Variants in NLRP13 observed in about 807,000 individuals in gnomAD.
NLRP13 encodes NACHT, LRR and PYD domains-containing protein 13.
A neutral mutation model predicts 94.4 loss-of-function variants in NLRP13; 82 were observed. The ratio of observed to expected loss-of-function variants is 0.87; its 90% CI spans 0.73 to 1.04. NLRP13 has a LOEUF of 1.04. Among genes scored for constraint, NLRP13 ranks in the 50% least tolerant of loss-of-function variants. The pLI, the probability that NLRP13 is intolerant of heterozygous loss-of-function variation, is 0.00. For synonymous variants in NLRP13, 553 were observed against 464.7 expected (o/e 1.19, Z -2.45); for missense variants, 1,426 against 1,230.8 (o/e 1.16, Z -2.37).
In NLRP13 at chr19:55,896,000, T is replaced by C. The variant is rs1181952322; in HGVS notation, c.3077A>G (p.Lys1026Arg). 6.2e-7 allele frequency: 1 copy of C among 1,614,218 alleles called. No homozygotes were observed. The change falls in exon 11 of 11, where the codon AAG becomes AGG. Residue 1026 changes from lysine (K) to arginine (R), a missense_variant. Physicochemically the swap from Lys to Arg is conservative, Grantham distance 26. Coordinates refer to ENST00000342929, the MANE Select transcript of NLRP13 (RefSeq NM_176810.2). The stretch of plus-strand genomic sequence containing the variant: ...CTTTTTCAAAGCCTTACATAGCATC[T>C]TGACACCATCAGTATCCAATTCATT... ...LGNELDTDGV[K>R]MLCKALKKST...
chr19:55,896,255 T>A, intron 10 of NLRP13, 136 bp from the exon 11 acceptor site: 1 of 930,136 alleles, frequency 1.1e-6, no homozygotes, highest in Non-Finnish European at 1.6e-6. Context: ...CCAGGCACAG[T>A]GGCTCACGCC....
At chr19:55,927,459 A>C (rs866779880) in intron 1 of NLRP13, among the ~76,000 whole-genome samples, 1,658 of 138,084 alleles carry the variant, frequency 0.012, 29 homozygotes, top group African/African-American at 0.048. Context: ...AATTCCTTAA[A>C]AAAAAAAAAA....
intron 1 of NLRP13, among the ~76,000 whole-genome samples, chr19:55,930,109 C>G (rs754033605): frequency 4.5e-4 from 69 of 152,100 alleles, no homozygotes; most frequent in Non-Finnish European, 9.4e-4. Context: ...TGCCCCGTGT[C>G]CAGGGTTCTG....
chr19:55,924,628 G>A lies in NLRP13; in HGVS notation c.419C>T (p.Pro140Leu). 6.2e-7 allele frequency: 1 copy of A among 1,613,398 alleles called. No homozygotes were observed. The highest frequency in any genetic ancestry group is 8.5e-7 in the Non-Finnish European group (1 of 1,179,612). Residue 140 changes from proline (P) to leucine (L), a missense_variant, in exon 3 of 11, where the codon CCA (proline) becomes CTA (leucine). Physicochemically the swap from Pro to Leu is moderately conservative, Grantham distance 98 (BLOSUM62 -3). Coordinates refer to ENST00000342929, the MANE Select transcript of NLRP13 (RefSeq NM_176810.2). ...GNMQTQGCQD[P>L]NQEELDELEE... ...TAGCTCGTCTAGTTCTTCTTGGTTT[G>A]GATCTTGGCATCCCTGGGTCTGCAT...
In NLRP13 at chr19:55,910,720, C is replaced by A. The variant is rs1176123566; in HGVS notation, c.2125G>T (p.Asp709Tyr). Residue 709 changes from aspartate to tyrosine, a missense_variant, in exon 6 of 11, where the codon GAT (aspartate) becomes TAT (tyrosine). Transcript: ENST00000342929. ...DLEILETSKF[D>Y]SRMHAWNSIC... is the part of the protein sequence containing the mutation. ...CTGTTCCATGCGTGCATCCTGGAAT[C>A]AAACTTGCTTGTCCTTCATGAGGGA... 2 of 1,607,584 alleles carry A rather than the reference C, an allele frequency of 1.2e-6. No homozygotes were observed. Among genetic ancestry groups the A allele is most frequent in the South Asian group, 1.1e-5 (1 of 90,632 alleles).
intron 1 of NLRP13, among the ~76,000 whole-genome samples, chr19:55,929,312 A>C (rs570851922): frequency 3.9e-5 from 6 of 152,222 alleles, no homozygotes; most frequent in Non-Finnish European, 7.3e-5. Context: ...TCTACTATAA[A>C]GACTCTTGCA....
At chr19:55,919,208 A>G (rs1275429414) in intron 4 of NLRP13, among the ~76,000 whole-genome samples, 1 of 152,190 alleles carries the variant, frequency 6.6e-6, no homozygotes, top group African/African-American at 2.4e-5. Context: ...CTAAGCTTCA[A>G]AGGAACATAT....
intron 8 of NLRP13, among the ~76,000 whole-genome samples, chr19:55,902,456 A>T (rs1299616307): frequency 1.3e-5 from 2 of 151,898 alleles, no homozygotes; most frequent in Non-Finnish European, 2.9e-5. Flanking sequence ...TTAGGAAAAA[A>T]TAAAGAAAAA....
intron 1 of NLRP13, among the ~76,000 whole-genome samples, chr19:55,929,826 T>C (rs1987064078): frequency 6.6e-6 from 1 of 151,610 alleles, no homozygotes. Context: ...CAGAAATCAA[T>C]GCAATACAAA....
intron 3 of NLRP13, 84 bp from the exon 4 acceptor site, chr19:55,924,063 CTCTT>C (rs1249662231): frequency 1.9e-6 from 2 of 1,033,434 alleles, no homozygotes; most frequent in Non-Finnish European, 3.0e-6. Context: ...GTAGAACCAA[CTCTT>C]TCTATGGCAA....
chr19:55,931,355 C>A (rs988159696), intron 1 of NLRP13, among the ~76,000 whole-genome samples: 15 of 152,012 alleles, frequency 9.9e-5, no homozygotes, highest in African/African-American at 3.6e-4. Context: ...AACATGAAAT[C>A]TGTGCTGCAC....
chr19:55,908,017 G>T (rs766940608), intron 6 of NLRP13, 61 bp from the exon 7 acceptor site: 53 of 1,482,222 alleles, frequency 3.6e-5, no homozygotes, highest in Middle Eastern at 4.7e-4. Context: ...CCAGGATCCC[G>T]TCTGCCTCCT....
intron 1 of NLRP13, among the ~76,000 whole-genome samples, chr19:55,925,895 C>A (rs183690263): frequency 6.6e-6 from 1 of 152,122 alleles, no homozygotes; most frequent in Non-Finnish European, 1.5e-5. Flanking sequence ...TCATTCTACA[C>A]CCATGTTAGC....
chr19:55,905,156 C>T lies in NLRP13; in HGVS notation c.2448-44G>A, dbSNP rs764843895. 8.1e-6 allele frequency: 13 copies of T among 1,605,802 alleles called. 1 individual carries two copies. In the South Asian group the frequency reaches 1.4e-4, roughly 18 times the overall value. ...CAAGGTGAGCCTCAGCCATGATGCC[C>T]AGGTTCCTCTACCTTTCTCTCTCAA... On this transcript the variant is annotated intron_variant, in intron 7 of 10. Transcript: ENST00000342929.
At chr19:55,906,004 T>G (rs1986334839) in intron 7 of NLRP13, among the ~76,000 whole-genome samples, 1 of 151,820 alleles carries the variant, frequency 6.6e-6, no homozygotes, top group Non-Finnish European at 1.5e-5. Flanking sequence ...ATGATCAAAG[T>G]GAGGGGAAAA....
downstream of NLRP13, among the ~76,000 whole-genome samples, chr19:55,895,207 A>G (rs1384749933): frequency 6.7e-6 from 1 of 150,372 alleles, no homozygotes; most frequent in Non-Finnish European, 1.5e-5. Flanking sequence ...TTAAAAAAAA[A>G]AAAAAGAAAG....
At position 55,902,039 on chromosome 19, in the gene NLRP13, G is replaced by A; in HGVS notation, c.2785C>T (p.Leu929=). 6.2e-7 allele frequency: 1 copy of A among 1,614,022 alleles called. No homozygotes were observed. The highest frequency in any genetic ancestry group is 1.3e-5 in the African/African-American group (1 of 75,044). Residue 929 remains leucine (L), a synonymous_variant, in exon 9 of 11, where the codon CTG becomes TTG. Transcript: ENST00000342929. ...LGRPDGNLQS[L]NLSGCSFTRE... ...GAGGGAGCCAAGAAAACTTACTTCAGGCTCTGCAGGTTACCATCTGGGCGA... is the reference window on the plus strand; with the variant it reads ...GAGGGAGCCAAGAAAACTTACTTCAAGCTCTGCAGGTTACCATCTGGGCGA...
Position 55,907,907 on chromosome 19 carries a change from G to T in NLRP13, c.2332C>A (p.Leu778Ile), listed in dbSNP as rs1268421907. 1 of 1,613,260 alleles carries T rather than the reference G, an allele frequency of 6.2e-7. No individual in the cohort carries two copies. The highest frequency in any genetic ancestry group is 1.1e-5 in the South Asian group (1 of 90,940). Residue 778 changes from leucine (L) to isoleucine (I), a missense_variant, in exon 7 of 11, where the codon CTT becomes ATT. Transcript: ENST00000342929. The stretch of plus-strand genomic sequence containing the variant: ...TGGGTCAGCTTGCTGTTACCCTGAA[G>T]GGCAATAATGAGGTCCTGCAGAACC... ...EWVLQDLIIA[L>I]QGNSKLTHLN...
chr19:55,929,823 C>A (rs555500242), intron 1 of NLRP13, among the ~76,000 whole-genome samples: 3 of 151,832 alleles, frequency 2.0e-5, no homozygotes, highest in African/African-American at 4.8e-5. Context: ...AATCAGAAAT[C>A]AATGCAATAC....
Sources: gnomAD v4.1 joint callset for allele counts (sites outside exome capture counted in the v4.1 genomes callset) on GRCh38, gnomAD v4.1.1 for gene constraint, MANE v1.5 for transcripts, NCBI Gene and HGNC (gene_info 2026-07-23, HGNC 2026-07-21) for gene names.